The following SLC25A21 variants were observed in gnomAD, a reference collection of about 807,000 sequenced individuals.
SLC25A21 encodes the protein solute carrier family 25 member 21.
Under a neutral mutation model 43.8 loss-of-function variants are expected in SLC25A21, and 47 were observed. The ratio of observed to expected loss-of-function variants is 1.07; its 90% confidence interval spans 0.85 to 1.37. The LOEUF is 1.37. Among genes scored for constraint, SLC25A21 ranks in the 40% most tolerant of loss-of-function variants. The pLI is 0.00. For synonymous variants in SLC25A21, 131 were observed against 121.3 expected (o/e 1.08, Z -0.52); for missense variants, 352 against 350.2 (o/e 1.00, Z -0.04).
intron 1 of SLC25A21, among the ~76,000 whole-genome samples, chr14:36,994,431 T>TC (rs895293858): frequency 6.6e-6 from 1 of 152,220 alleles, no homozygotes; most frequent in Non-Finnish European, 1.5e-5. Flanking sequence ...TTTGCATATA[T>TC]TCAATAAATG....
chr14:36,966,012 T>C (rs1049691035), intron 1 of SLC25A21, among the ~76,000 whole-genome samples: 8 of 152,320 alleles, frequency 5.3e-5, no homozygotes, highest in African/African-American at 1.4e-4. Flanking sequence ...ATACAGCTAC[T>C]ATGTACCTAC....
rs775338629 is a variant in SLC25A21 at position 36,725,670 on chromosome 14, G to A, written c.338C>T (p.Ala113Val). The change falls in exon 6 of 10, where the codon GCC becomes GTC. Residue 113 changes from alanine (A) to valine (V), a missense_variant. Transcript: ENST00000331299. ...TAGTCCAGATCCCAATCCAGCAATG[G>A]CGAATGTCTAGAAAAATTAAATCAA... ...YVSLSPALTF[A>V]IAGLGSGLTE... is the part of the protein sequence containing the mutation. 11 of 1,593,998 alleles carry A rather than the reference G, an allele frequency of 6.9e-6. No individual in the cohort carries two copies. In the African/African-American group the frequency reaches 1.5e-4, roughly 22 times the overall value.
chr14:37,129,813 T>C (rs973173748), intron 1 of SLC25A21, among the ~76,000 whole-genome samples: 3 of 151,944 alleles, frequency 2.0e-5, no homozygotes, highest in South Asian at 4.1e-4. Flanking sequence ...CTCAATTATA[T>C]GTATTCTATT....
intron 1 of SLC25A21, among the ~76,000 whole-genome samples, chr14:37,109,948 C>G (rs1225120129): frequency 6.6e-6 from 1 of 152,072 alleles, no homozygotes. Flanking sequence ...CATGTCACAA[C>G]TAAATTGCAG....
At chr14:36,983,806 G>T (rs1960084354) in intron 1 of SLC25A21, among the ~76,000 whole-genome samples, 2 of 152,134 alleles carry the variant, frequency 1.3e-5, no homozygotes, top group African/African-American at 4.8e-5. Flanking sequence ...ATACTAGGCA[G>T]CCCTAAATAA....
intron 2 of SLC25A21, among the ~76,000 whole-genome samples, chr14:36,851,253 A>G (rs1026630318): frequency 1.3e-5 from 2 of 152,182 alleles, no homozygotes; most frequent in African/African-American, 4.8e-5. Flanking sequence ...GTGGCTGAAG[A>G]AAAAGAGCCA....
At chr14:36,759,541 T>G (rs1242952395) in intron 3 of SLC25A21, 1 of 152,240 alleles carries the variant, frequency 6.6e-6, no homozygotes, top group Non-Finnish European at 1.5e-5. Context: ...TGAGCTCTCC[T>G]TGGCCGAGAT....
At chr14:36,779,235 G>A (rs933042178) in intron 3 of SLC25A21, among the ~76,000 whole-genome samples, 12 of 142,016 alleles carry the variant, frequency 8.4e-5, no homozygotes, top group Non-Finnish European at 3.1e-5. Flanking sequence ...TTATATATAA[G>A]ATATAGATAA....
chr14:36,682,775 C>CA (rs759681925), intron 9 of SLC25A21, among the ~76,000 whole-genome samples: 46 of 152,238 alleles, frequency 3.0e-4, no homozygotes, highest in Middle Eastern at 3.4e-3. Flanking sequence ...AAATATGAAA[C>CA]AAAATCCATG....
intron 1 of SLC25A21, among the ~76,000 whole-genome samples, chr14:36,911,007 C>A (rs1039975090): frequency 1.3e-5 from 2 of 152,142 alleles, no homozygotes; most frequent in African/African-American, 4.8e-5. Context: ...TTAAACCCAG[C>A]CTGTTAGTTT....
intron 3 of SLC25A21, among the ~76,000 whole-genome samples, chr14:36,742,970 T>C (rs889156418): frequency 2.0e-5 from 3 of 152,190 alleles, no homozygotes; most frequent in African/African-American, 7.2e-5. Flanking sequence ...CAATGAAATT[T>C]TTTTGGGTGC....
chr14:36,738,058 T>C (rs183414622), intron 3 of SLC25A21, among the ~76,000 whole-genome samples: 257 of 152,344 alleles, frequency 1.7e-3, no homozygotes, highest in African/African-American at 6.0e-3. Flanking sequence ...TAAGCATCAC[T>C]GTCCCTCCAG....
At chr14:37,042,356 A>T (rs914721804) in intron 1 of SLC25A21, among the ~76,000 whole-genome samples, 1 of 152,202 alleles carries the variant, frequency 6.6e-6, no homozygotes, top group Non-Finnish European at 1.5e-5. Context: ...ACACCCTCCA[A>T]TTTCTTCTAA....
chr14:36,800,823 T>C (rs1887844691), intron 3 of SLC25A21, among the ~76,000 whole-genome samples: 1 of 152,234 alleles, frequency 6.6e-6, no homozygotes, highest in African/African-American at 2.4e-5. Flanking sequence ...TTATTGTCTC[T>C]GCTTCTCTTG....
intron 3 of SLC25A21, among the ~76,000 whole-genome samples, chr14:36,741,252 C>G (rs1379930258): frequency 6.6e-6 from 1 of 152,148 alleles, no homozygotes; most frequent in African/African-American, 2.4e-5. Flanking sequence ...TACTAGGCTA[C>G]TAGGTTTTTG....
chr14:37,104,132 T>C (rs909691219), intron 1 of SLC25A21, among the ~76,000 whole-genome samples: 2 of 152,242 alleles, frequency 1.3e-5, no homozygotes, highest in Non-Finnish European at 2.9e-5. Flanking sequence ...GGTTTAATTC[T>C]GCTACCAAAT....
chr14:37,065,650 A>G (rs1214932687), intron 1 of SLC25A21, among the ~76,000 whole-genome samples: 2 of 152,212 alleles, frequency 1.3e-5, no homozygotes, highest in African/African-American at 4.8e-5. Context: ...TTAAGGAGGA[A>G]TGTCCCTGAG....
In SLC25A21 at chr14:36,840,737, A is replaced by G. The variant is rs142059379; in HGVS notation, c.120-26736T>C. ...CACACAAGCTTCTTAGTCTTTCTAA[A>G]TTTCAGTAATTTGTGACTTCCAAAA... On this transcript the variant is annotated intron_variant, in intron 2 of 9. Coordinates refer to ENST00000331299, the MANE Select transcript of SLC25A21 (RefSeq NM_030631.4). 4.6e-5 allele frequency among the ~76,000 whole-genome samples: 7 copies of G among 152,354 alleles called. No individual in the cohort carries two copies. In the East Asian group the frequency reaches 1.3e-3, roughly 29 times the overall value.
intron 1 of SLC25A21, among the ~76,000 whole-genome samples, chr14:36,929,157 C>A (rs1892216732): frequency 6.6e-6 from 1 of 152,014 alleles, no homozygotes; most frequent in African/African-American, 2.4e-5. Flanking sequence ...GAAAAAAAAT[C>A]ATCTGCTCTG....
Sources: allele counts gnomAD v4.1 joint callset (sites outside exome capture counted in the v4.1 genomes callset), GRCh38; gene constraint gnomAD v4.1.1; transcripts MANE v1.5; gene names NCBI Gene and HGNC (gene_info 2026-07-23, HGNC 2026-07-21).